Variants in ZFP1 observed in about 807,000 individuals in gnomAD.
The protein encoded by ZFP1 is zinc finger protein 1 homolog.
A neutral mutation model predicts 38.5 loss-of-function variants in ZFP1; 32 were observed. The observed-to-expected ratio is 0.83, with a 90% CI of 0.63 to 1.12. The LOEUF is 1.12. ZFP1 is among the 50% of genes most tolerant of loss of function. ZFP1 has a pLI of 0.00. For synonymous variants in ZFP1, 245 were observed against 168.8 expected, an observed-to-expected ratio of 1.45 and a Z score of -3.50; for missense variants, 616 against 480.8, an observed-to-expected ratio of 1.28 and a Z score of -2.63.
At chr16:75,165,574 T>C (rs1200976793) in intron 2 of ZFP1, among the ~76,000 whole-genome samples, 1 of 152,098 alleles carries the variant, frequency 6.6e-6, no homozygotes, top group Non-Finnish European at 1.5e-5. Context: ...TTTGTATTTT[T>C]AGTAGAGATG....
chr16:75,162,435 A>G (rs1271374460), intron 2 of ZFP1, among the ~76,000 whole-genome samples: 2 of 152,112 alleles, frequency 1.3e-5, no homozygotes, highest in Non-Finnish European at 2.9e-5. Flanking sequence ...GTATAGGTCA[A>G]CTTAATTATC....
the ZFP1 span, among the ~76,000 whole-genome samples, chr16:75,135,229 A>AAAAAAAAAAAAC: frequency 1.0e-4 from 1 of 9,908 alleles, no homozygotes; most frequent in African/African-American, 4.0e-4. Flanking sequence ...AAAAAAAAAA[A>AAAAAAAAAAAAC]AAAACCACTG....
rs147173740 is a variant in ZFP1 at position 75,166,524 on chromosome 16, T to C, written c.16-246T>C. On this transcript the variant is annotated intron_variant, in intron 2 of 3. Coordinates refer to ENST00000570010, the MANE Select transcript of ZFP1 (RefSeq NM_153688.4). The stretch of plus-strand genomic sequence containing the variant: ...GATTACAGGTGTGAGCCACTATGCC[T>C]GGCCAATAGTGTTTTATTAATCTGA... 1.0e-3 allele frequency: 1,016 copies of C among 985,066 alleles called. 6 individuals carry two copies. In the African/African-American group the frequency reaches 0.015, roughly 15 times the overall value. The allele number at this position is 985,066 out of a possible 1,614,324, so 61.0% of individuals were successfully genotyped here. A position where few individuals can be genotyped will look rare whatever the true frequency, so the allele number is the denominator to read the frequency against.
At chr16:75,140,755 C>T in the ZFP1 span, among the ~76,000 whole-genome samples, 14 of 152,264 alleles carry the variant, frequency 9.2e-5, no homozygotes, top group South Asian at 2.1e-4. Context: ...GTCAGGAGAT[C>T]GAGACCATCC....
At chr16:75,156,404 C>T (rs2037472553) in intron 2 of ZFP1, among the ~76,000 whole-genome samples, 1 of 152,100 alleles carries the variant, frequency 6.6e-6, no homozygotes. Flanking sequence ...CTGCAGTGAG[C>T]CGAGATCATG....
chr16:75,123,966 C>T, the ZFP1 span, among the ~76,000 whole-genome samples: 2 of 151,364 alleles, frequency 1.3e-5, no homozygotes, highest in Non-Finnish European at 2.9e-5. Flanking sequence ...TGATAGCACG[C>T]ACCTGTAGTC....
the ZFP1 span, among the ~76,000 whole-genome samples, chr16:75,125,399 G>A: frequency 6.6e-6 from 1 of 152,136 alleles, no homozygotes; most frequent in African/African-American, 2.4e-5. Flanking sequence ...TCAGCTCACT[G>A]CAGACTCCAC....
chr16:75,124,194 G>C, the ZFP1 span, among the ~76,000 whole-genome samples: 1 of 149,014 alleles, frequency 6.7e-6, no homozygotes, highest in African/African-American at 2.5e-5. Context: ...CAAGAGTCTT[G>C]CTCTGTTGCC....
chr16:75,161,044 C>T (rs1215023895), intron 2 of ZFP1, among the ~76,000 whole-genome samples: 6 of 151,664 alleles, frequency 4.0e-5, no homozygotes, highest in African/African-American at 1.5e-4. Flanking sequence ...CAGACCCAAA[C>T]ACCAGTTTGT....
intron 2 of ZFP1, chr16:75,157,064 A>G (rs1030369031): frequency 6.6e-6 from 1 of 151,970 alleles, no homozygotes; most frequent in Non-Finnish European, 1.5e-5. Context: ...CTATTTCACC[A>G]TCTCCCACCG....
the ZFP1 span, among the ~76,000 whole-genome samples, chr16:75,120,743 A>T: frequency 1.3e-5 from 2 of 151,476 alleles, no homozygotes; most frequent in Non-Finnish European, 2.9e-5. Context: ...CTGGGACTAC[A>T]AGCGCCACCA....
intron 2 of ZFP1, among the ~76,000 whole-genome samples, chr16:75,153,485 C>T (rs1304155850): frequency 6.6e-6 from 1 of 152,034 alleles, no homozygotes; most frequent in African/African-American, 2.4e-5. Flanking sequence ...AAAGCACAAA[C>T]GTAAGATAGC....
Position 75,169,429 on chromosome 16 carries a change from G to A in ZFP1, c.319G>A (p.Asp107Asn). 1.2e-6 allele frequency: 2 copies of A among 1,612,756 alleles called. No individual in the cohort carries two copies. The highest frequency in any genetic ancestry group is 1.7e-6 in the Non-Finnish European group (2 of 1,179,726). Residue 107 changes from aspartate to asparagine, a missense_variant, in exon 4 of 4, where the codon GAC becomes AAC. Physicochemically the swap from Asp to Asn is conservative, Grantham distance 23. Transcript: ENST00000570010. ...TTTAAGACAAGTACCTTATAAATAT[G>A]ACTTATATGAAAAAACTTTGAAATA... ...VSLRQVPYKY[D>N]LYEKTLKYNS...
intron 2 of ZFP1, among the ~76,000 whole-genome samples, chr16:75,165,443 C>T (rs1309263216): frequency 6.6e-6 from 1 of 152,000 alleles, no homozygotes; most frequent in East Asian, 1.9e-4. Context: ...CACCCAGGCT[C>T]AAGTGCAGTG....
chr16:75,162,471 C>G (rs187432854), intron 2 of ZFP1, among the ~76,000 whole-genome samples: 1 of 152,144 alleles, frequency 6.6e-6, no homozygotes, highest in East Asian at 1.9e-4. Context: ...CTAGTCAGTG[C>G]CTAACATTTT....
At chr16:75,122,204 G>A in the ZFP1 span, among the ~76,000 whole-genome samples, 2 of 152,248 alleles carry the variant, frequency 1.3e-5, no homozygotes, top group African/African-American at 4.8e-5. Flanking sequence ...TATTCCTCAT[G>A]CAGGTAGCCC....
chr16:75,167,690 C>T (rs898031487), intron 3 of ZFP1, among the ~76,000 whole-genome samples: 2 of 152,146 alleles, frequency 1.3e-5, no homozygotes, highest in African/African-American at 2.4e-5. Flanking sequence ...GCGTCCACCT[C>T]CTGAGCTCAA....
chr16:75,135,081 G>T, the ZFP1 span, among the ~76,000 whole-genome samples: 1 of 150,768 alleles, frequency 6.6e-6, no homozygotes, highest in South Asian at 2.1e-4. Context: ...AAACTAGCTG[G>T]TGCCTGTAAT....
rs575441520 is a variant in ZFP1 at position 75,153,693 on chromosome 16, A to G, written c.15+727A>G. ...GTATATTGTTACAGTTGATGAGCCA[A>G]TATTGATACTTTAAAGACCATAGTT... On this transcript the variant is annotated intron_variant, in intron 2 of 3. Transcript: ENST00000570010. Among the ~76,000 whole-genome samples, 9 of 152,272 alleles carry G rather than the reference A, an allele frequency of 5.9e-5. No homozygotes were observed. In the East Asian group the frequency reaches 1.7e-3, roughly 29 times the overall value.
Sources: gnomAD v4.1 joint callset for allele counts (sites outside exome capture counted in the v4.1 genomes callset) on GRCh38, gnomAD v4.1.1 for gene constraint, MANE v1.5 for transcripts, NCBI Gene and HGNC (gene_info 2026-07-23, HGNC 2026-07-21) for gene names.